Variants in SYN2 observed in about 807,000 individuals in gnomAD.
SYN2 encodes the protein synapsin-2.
Under a neutral mutation model 50.9 loss-of-function variants are expected in SYN2, and 19 were observed. The observed-to-expected ratio is 0.37, with a 90% confidence interval of 0.26 to 0.55. The LOEUF (loss-of-function observed/expected upper bound fraction) is 0.55. Among genes scored for constraint, SYN2 ranks in the 20% least tolerant of loss-of-function variants. The pLI is 0.81. For synonymous variants in SYN2, 255 were observed against 224.9 expected (o/e 1.13, Z -1.20); for missense variants, 587 against 576.4 (o/e 1.02, Z -0.19).
chr3:12,156,284 C>G (rs1487461049), intron 5 of SYN2, among the ~76,000 whole-genome samples: 2 of 152,198 alleles, frequency 1.3e-5, no homozygotes, highest in Non-Finnish European at 2.9e-5. Flanking sequence ...TAGTTCCGTT[C>G]TCTGAACTCC....
At chr3:12,169,113 C>A (rs189578725) in intron 9 of SYN2, among the ~76,000 whole-genome samples, 104 of 152,300 alleles carry the variant, frequency 6.8e-4, no homozygotes, top group African/African-American at 2.4e-3. Flanking sequence ...TGGTCTATAA[C>A]CTTCTAAATG....
intron 1 of SYN2, among the ~76,000 whole-genome samples, chr3:12,094,762 T>A (rs1484167700): frequency 1.3e-5 from 2 of 152,180 alleles, no homozygotes; most frequent in Admixed American, 1.3e-4. Flanking sequence ...ACTGGATTGG[T>A]TATGATGCAC....
chr3:12,151,669 T>C (rs1340909794), intron 5 of SYN2, among the ~76,000 whole-genome samples: 1 of 152,230 alleles, frequency 6.6e-6, no homozygotes, highest in African/African-American at 2.4e-5. Context: ...GTGTGCAGTT[T>C]CCAATAAGAC....
chr3:12,079,732 G>A (rs917750932), intron 1 of SYN2, among the ~76,000 whole-genome samples: 12 of 151,972 alleles, frequency 7.9e-5, no homozygotes, highest in South Asian at 2.1e-4. Context: ...TTTTTGCATC[G>A]ATGTTTATCA....
At chr3:12,071,070 C>G in intron 1 of SYN2, 2 of 561,544 alleles carry the variant, frequency 3.6e-6, no homozygotes, top group Non-Finnish European at 7.2e-6. Flanking sequence ...ATGAGACCAC[C>G]TTCAACTCCA....
At position 12,115,080 on chromosome 3, in the gene SYN2, T is replaced by C. The variant is rs114240724; in HGVS notation, c.378-25571T>C. 1.4e-3 allele frequency among the ~76,000 whole-genome samples: 219 copies of C among 152,324 alleles called. 1 individual carries two copies. The highest frequency in any genetic ancestry group is 5.1e-3 in the African/African-American group (212 of 41,570). On this transcript the variant is annotated intron_variant, in intron 1 of 12. Transcript: ENST00000621198. ...TCACCTTTGTCATTTCAAAGAATGA[T>C]CTAATTTTCATCTGAACAAAGGCAT...
chr3:12,135,408 C>T (rs1045606294), intron 1 of SYN2, among the ~76,000 whole-genome samples: 1 of 152,222 alleles, frequency 6.6e-6, no homozygotes, highest in Non-Finnish European at 1.5e-5. Flanking sequence ...TAGAAACTAG[C>T]ACCTTGTTAA....
chr3:12,083,212 A>G (rs1224323807), intron 1 of SYN2, among the ~76,000 whole-genome samples: 3 of 152,134 alleles, frequency 2.0e-5, no homozygotes, highest in African/African-American at 7.2e-5. Context: ...GGGTTTCACT[A>G]TGTTGGCTAG....
chr3:12,178,197 G>C (rs1414079189), intron 10 of SYN2, among the ~76,000 whole-genome samples: 7 of 152,300 alleles, frequency 4.6e-5, no homozygotes, highest in African/African-American at 1.7e-4. Flanking sequence ...CCGGCAAGGA[G>C]CTTGGCCTGG....
rs113782611 is a variant in SYN2, at chr3:12,097,233, G to A, written c.378-43418G>A. Among the ~76,000 whole-genome samples the A allele has an allele frequency of 6.3e-4, 96 of 152,224 alleles. 3 individuals are homozygous for A. In the East Asian group the frequency reaches 8.1e-3, roughly 13 times the overall value. ...ACACATGCACACGTATGTTTATTGC[G>A]GCACTATTCACAATAGCAAAGACTT... On this transcript the variant is annotated intron_variant, in intron 1 of 12. Transcript: ENST00000621198.
intron 1 of SYN2, among the ~76,000 whole-genome samples, chr3:12,076,068 C>A (rs1276009940): frequency 6.6e-6 from 1 of 152,120 alleles, no homozygotes; most frequent in Non-Finnish European, 1.5e-5. Context: ...GGTAGAGTAA[C>A]AAGCTCAAGT....
At position 12,004,612 on chromosome 3, in the gene SYN2, G is replaced by A. The variant is rs1334730399; in HGVS notation, c.61G>A (p.Gly21Ser). The A allele has an allele frequency of 3.1e-6, 2 of 652,434 alleles. No homozygotes were observed. The highest frequency in any genetic ancestry group is 1.6e-5 in the South Asian group (1 of 61,514). The allele number at this position is 652,434 out of a possible 1,614,324, so 40.4% of individuals were successfully genotyped here. ...DSSFIANLPN[G>S]YMTDLQRPEP... ...CAGCTTCATCGCCAACCTGCCCAAC[G>A]GCTACATGACCGACCTGCAGCGGCC... is the stretch of plus-strand genomic sequence containing the variant. The change falls in exon 1 of 13, where the codon GGC (glycine) becomes AGC (serine). Residue 21 changes from glycine (G) to serine (S), a missense_variant. Physicochemically the swap from Gly to Ser is moderately conservative, Grantham distance 56 (BLOSUM62 0). Transcript: ENST00000621198.
chr3:12,078,466 G>A (rs1695519181), intron 1 of SYN2, among the ~76,000 whole-genome samples: 1 of 152,106 alleles, frequency 6.6e-6, no homozygotes, highest in Admixed American at 6.6e-5. Context: ...AATCCATCTT[G>A]AGTTAGTTTT....
chr3:12,086,969 A>G (rs1401870231), intron 1 of SYN2, among the ~76,000 whole-genome samples: 3 of 152,154 alleles, frequency 2.0e-5, no homozygotes. Flanking sequence ...TAAAGACTCC[A>G]CCAAAAAACT....
chr3:12,177,579 TA>T (rs1698109847), intron 10 of SYN2, among the ~76,000 whole-genome samples: 1 of 152,102 alleles, frequency 6.6e-6, no homozygotes, highest in Admixed American at 6.5e-5. Flanking sequence ...TCAGAAGAGG[TA>T]AATTTAGGAC....
At chr3:12,087,245 A>C (rs1695722045) in intron 1 of SYN2, among the ~76,000 whole-genome samples, 1 of 152,228 alleles carries the variant, frequency 6.6e-6, no homozygotes, top group Non-Finnish European at 1.5e-5. Flanking sequence ...TCTTGTGTTC[A>C]TGGATTGGAG....
chr3:12,058,019 A>C (rs549931897), intron 1 of SYN2, among the ~76,000 whole-genome samples: 44 of 152,156 alleles, frequency 2.9e-4, no homozygotes, highest in Non-Finnish European at 4.4e-4. Context: ...CTCCATCAGA[A>C]TCTACATTTT....
intron 1 of SYN2, among the ~76,000 whole-genome samples, chr3:12,008,032 C>T (rs1268608598): frequency 6.6e-6 from 1 of 152,042 alleles, no homozygotes; most frequent in Non-Finnish European, 1.5e-5. Flanking sequence ...AGAAAATGTC[C>T]TCTTTTAAGG....
intron 11 of SYN2, 105 bp downstream of exon 11, chr3:12,183,477 A>T: frequency 6.2e-7 from 1 of 1,607,222 alleles, no homozygotes; most frequent in Admixed American, 1.7e-5. Flanking sequence ...CAGAAATTTT[A>T]AGCCAAAAAC....
Sources: gnomAD v4.1 joint callset for allele counts (sites outside exome capture counted in the v4.1 genomes callset) on GRCh38, gnomAD v4.1.1 for gene constraint, MANE v1.5 for transcripts, NCBI Gene and HGNC (gene_info 2026-07-23, HGNC 2026-07-21) for gene names.